Variants in LRRIQ3 observed in about 807,000 individuals in gnomAD.
LRRIQ3 encodes leucine rich repeats and IQ motif containing 3.
LRRIQ3 carries 75 observed loss-of-function variants against 59.3 expected under a neutral mutation model. That is an observed-to-expected ratio of 1.26 (90% CI 1.05 to 1.53). The LOEUF is 1.53. Ranked by LOEUF, LRRIQ3 falls within the 40% of genes most tolerant of loss-of-function variation. The pLI, the probability that LRRIQ3 is intolerant of heterozygous loss-of-function variation, is 0.00. For synonymous variants in LRRIQ3, 250 were observed against 231.3 expected (o/e 1.08, Z -0.73); for missense variants, 831 against 710.0 (o/e 1.17, Z -1.94).
intron 5 of LRRIQ3, among the ~76,000 whole-genome samples, chr1:74,091,542 G>T (rs1222929052): frequency 6.6e-6 from 1 of 152,006 alleles, no homozygotes; most frequent in Non-Finnish European, 1.5e-5. Context: ...AAGAAAATTA[G>T]TGAACTGGAA....
At chr1:74,037,889 A>G (rs1349469231) in intron 7 of LRRIQ3, among the ~76,000 whole-genome samples, 1 of 152,106 alleles carries the variant, frequency 6.6e-6, no homozygotes, top group East Asian at 1.9e-4. Context: ...AACCCATGCC[A>G]CCGGGAAGCC....
chr1:74,088,177 CTA>C lies in LRRIQ3; in HGVS notation c.868-13389_868-13388del, dbSNP rs576872797. Reference sequence around the variant, plus strand: ...CTTTCCATATGTCAACTCTCAGAAACTAACTCTCCACATAGATTTCTATCCAT... The same window carrying C: ...CTTTCCATATGTCAACTCTCAGAAACACTCTCCACATAGATTTCTATCCAT... On this transcript the variant is annotated intron_variant, in intron 5 of 7. Transcript: ENST00000354431. Among the ~76,000 whole-genome samples the C allele has an allele frequency of 4.6e-5, 7 of 152,134 alleles. No homozygotes were observed. The East Asian group carries it at 1.4e-3, about 29-fold the overall frequency.
At chr1:74,166,520 T>C (rs1414868371) in intron 3 of LRRIQ3, among the ~76,000 whole-genome samples, 1 of 151,844 alleles carries the variant, frequency 6.6e-6, no homozygotes, top group Non-Finnish European at 1.5e-5. Flanking sequence ...TTTCTCAACT[T>C]CTTTGGTTTT....
chr1:74,065,136 G>A (rs1429353233), intron 6 of LRRIQ3, among the ~76,000 whole-genome samples: 1 of 152,030 alleles, frequency 6.6e-6, no homozygotes, highest in Non-Finnish European at 1.5e-5. Context: ...ACTATCACAA[G>A]ATAGCTGGCA....
chr1:74,088,123 A>T (rs765958366), intron 5 of LRRIQ3, among the ~76,000 whole-genome samples: 1 of 151,964 alleles, frequency 6.6e-6, no homozygotes, highest in Non-Finnish European at 1.5e-5. Flanking sequence ...AACAAAAAAA[A>T]ACAATTGTCT....
chr1:74,141,252 A>G lies in LRRIQ3; in HGVS notation c.707+14481T>C, dbSNP rs537629040. Among the ~76,000 whole-genome samples the G allele has an allele frequency of 1.2e-3, 182 of 151,976 alleles. 1 individual carries two copies. The highest frequency in any genetic ancestry group is 4.2e-3 in the African/African-American group (173 of 41,540). On this transcript the variant is annotated intron_variant, in intron 4 of 7. Coordinates refer to ENST00000354431, the MANE Select transcript of LRRIQ3 (RefSeq NM_001105659.2). ...ATATTCTTGTTGTCTATTCTGATTT[A>G]TATCTCCAATAGTAAATTTTAAAAA...
At chr1:74,042,503 C>T (rs180879247) in intron 6 of LRRIQ3, among the ~76,000 whole-genome samples, 1 of 152,164 alleles carries the variant, frequency 6.6e-6, no homozygotes, top group Non-Finnish European at 1.5e-5. Flanking sequence ...TTGGCTATGA[C>T]TTAGTTATCT....
intron 3 of LRRIQ3, among the ~76,000 whole-genome samples, chr1:74,179,441 G>C (rs1268028813): frequency 6.6e-6 from 1 of 151,870 alleles, no homozygotes; most frequent in Admixed American, 6.6e-5. Flanking sequence ...CTATATTCAA[G>C]CTCTCCTTGA....
At chr1:74,169,666 C>T (rs1231205620) in intron 3 of LRRIQ3, among the ~76,000 whole-genome samples, 1 of 152,022 alleles carries the variant, frequency 6.6e-6, no homozygotes, top group African/African-American at 2.4e-5. Context: ...ATTCTCTCAC[C>T]TTAGCCTCCC....
chr1:74,125,089 T>C (rs570784990), intron 4 of LRRIQ3, among the ~76,000 whole-genome samples: 8 of 152,092 alleles, frequency 5.3e-5, no homozygotes, highest in African/African-American at 1.9e-4. Context: ...GTTAAGTTAA[T>C]TCCTAGGTAT....
At chr1:74,187,140 G>A (rs1250091282) in intron 1 of LRRIQ3, among the ~76,000 whole-genome samples, 1 of 151,936 alleles carries the variant, frequency 6.6e-6, no homozygotes, top group Non-Finnish European at 1.5e-5. Context: ...GGAACTAAAG[G>A]TAGAACTACC....
chr1:74,135,989 C>A lies in LRRIQ3; in HGVS notation c.707+19744G>T, dbSNP rs191287668. On this transcript the variant is annotated intron_variant, in intron 4 of 7. Coordinates refer to ENST00000354431, the MANE Select transcript of LRRIQ3 (RefSeq NM_001105659.2). ...TGAAAATATCAACAAAATGGCAAAC[C>A]TCTAGGTAAGCTAAGTAAAACAAAA... Among the ~76,000 whole-genome samples the A allele has an allele frequency of 5.2e-3, 793 of 151,572 alleles. 7 individuals carry two copies. Among genetic ancestry groups the A allele is most frequent in the South Asian group, 0.032 (152 of 4,806 alleles).
intron 6 of LRRIQ3, among the ~76,000 whole-genome samples, chr1:74,055,807 A>T (rs1220127551): frequency 1.2e-4 from 19 of 152,166 alleles, no homozygotes; most frequent in Admixed American, 1.2e-3. Flanking sequence ...GCTGTATCAG[A>T]TGCAGGAAAA....
intron 6 of LRRIQ3, among the ~76,000 whole-genome samples, chr1:74,047,292 G>T (rs577065606): frequency 1.3e-5 from 2 of 152,160 alleles, no homozygotes; most frequent in East Asian, 3.9e-4. Context: ...ATTCTTTGTG[G>T]GGACATGGAT....
At position 74,133,725 on chromosome 1, in the gene LRRIQ3, G is replaced by A. The variant is rs531429990; in HGVS notation, c.707+22008C>T. Reference sequence around the variant, plus strand: ...GGGGCCTGTCGTGGGGTGGGGGGAAGGGGGAGGGATAGCATTGGGAGATAT... The same window carrying A: ...GGGGCCTGTCGTGGGGTGGGGGGAAAGGGGAGGGATAGCATTGGGAGATAT... On this transcript the variant is annotated intron_variant, in intron 4 of 7. Coordinates refer to ENST00000354431, the MANE Select transcript of LRRIQ3 (RefSeq NM_001105659.2). Among the ~76,000 whole-genome samples the A allele has an allele frequency of 2.3e-5, 3 of 131,590 alleles. No homozygotes were observed. In the East Asian group the frequency reaches 6.6e-4, roughly 29 times the overall value. 86.3% of individuals were successfully genotyped at this position (131,590 alleles called of 152,430 possible). A position where few individuals can be genotyped will look rare whatever the true frequency, so the allele number is the denominator to read the frequency against.
intron 4 of LRRIQ3, among the ~76,000 whole-genome samples, chr1:74,127,914 G>C (rs1166641952): frequency 1.3e-5 from 2 of 151,916 alleles, no homozygotes; most frequent in African/African-American, 2.4e-5. Context: ...GTCTGGTATT[G>C]ATGAAATCCC....
At chr1:74,161,137 C>T (rs958391390) in intron 3 of LRRIQ3, among the ~76,000 whole-genome samples, 14 of 151,920 alleles carry the variant, frequency 9.2e-5, no homozygotes, top group Admixed American at 7.9e-4. Context: ...TAAATGGTAC[C>T]TTCCCACTGT....
At chr1:74,176,791 G>A (rs533506600) in intron 3 of LRRIQ3, among the ~76,000 whole-genome samples, 2 of 152,200 alleles carry the variant, frequency 1.3e-5, no homozygotes, top group East Asian at 1.9e-4. Flanking sequence ...CCTCAGCAGG[G>A]AGGGGCAGGA....
In LRRIQ3 at chr1:74,190,627, C is replaced by T. The variant is rs574190633; in HGVS notation, c.1-6943G>A. 4.4e-4 allele frequency among the ~76,000 whole-genome samples: 67 copies of T among 151,766 alleles called. 1 individual carries two copies. Among genetic ancestry groups the T allele is most frequent in the Admixed American group, 3.9e-4 (6 of 15,232 alleles). ...AATGAATGACAATTTACTCTAACAT[C>T]GGACACTAAGCCACAGATTCAAGAA... is the stretch of plus-strand genomic sequence containing the variant. On this transcript the variant is annotated intron_variant, in intron 1 of 7. Transcript: ENST00000354431.
Sources: allele counts gnomAD v4.1 joint callset (sites outside exome capture counted in the v4.1 genomes callset), GRCh38; gene constraint gnomAD v4.1.1; transcripts MANE v1.5; gene names NCBI Gene and HGNC (gene_info 2026-07-23, HGNC 2026-07-21).